SPINK8: variants seen among roughly 807,000 people sequenced by gnomAD.
SPINK8 encodes the protein serine peptidase inhibitor Kazal type 8 (putative).
SPINK8 carries 12 observed loss-of-function variants against 14.4 expected under a neutral mutation model. That is an observed-to-expected ratio of 0.83 (90% CI 0.53 to 1.35). The LOEUF (loss-of-function observed/expected upper bound fraction) is 1.35, where lower values mean the gene tolerates loss of function less well. Among genes scored for constraint, SPINK8 ranks in the 40% most tolerant of loss-of-function variants. The pLI is 0.00. For missense variants in SPINK8, 103 were observed against 117.0 expected (o/e 0.88, Z 0.55); for synonymous variants, 32 against 37.6 (o/e 0.85, Z 0.55).
At chr3:48,315,268 A>G (rs1270805995) in intron 6 of SPINK8, among the ~76,000 whole-genome samples, 2 of 152,194 alleles carry the variant, frequency 1.3e-5, no homozygotes, top group African/African-American at 4.8e-5. Context: ...ACATTATATT[A>G]TTCAAAATAT....
chr3:48,321,580 C>G (rs1238662275), intron 4 of SPINK8, among the ~76,000 whole-genome samples: 2 of 151,556 alleles, frequency 1.3e-5, no homozygotes, highest in South Asian at 4.2e-4. Flanking sequence ...ATTCACATAT[C>G]ATAGAATTTT....
chr3:48,319,422 C>T (rs2036038381), intron 6 of SPINK8, 75 bp downstream of exon 6: 1 of 1,555,912 alleles, frequency 6.4e-7, no homozygotes, highest in East Asian at 2.2e-5. Flanking sequence ...AGGAAGTGGG[C>T]TGAGGTCATC....
At chr3:48,327,687 C>T (rs969436156) in intron 4 of SPINK8, among the ~76,000 whole-genome samples, 1 of 151,946 alleles carries the variant, frequency 6.6e-6, no homozygotes, top group African/African-American at 2.4e-5. Flanking sequence ...TTGTTTTTTA[C>T]GTAAGATATG....
At chr3:48,319,933 G>A (rs1205730380) in intron 5 of SPINK8, among the ~76,000 whole-genome samples, 1 of 151,788 alleles carries the variant, frequency 6.6e-6, no homozygotes, top group Non-Finnish European at 1.5e-5. Context: ...CACGAGGTCA[G>A]GAGATCGAGA....
intron 4 of SPINK8, among the ~76,000 whole-genome samples, chr3:48,326,128 G>A (rs2036138153): frequency 6.6e-6 from 1 of 151,998 alleles, no homozygotes; most frequent in Non-Finnish European, 1.5e-5. Context: ...TGTTGACGAC[G>A]TGTCCTTCTG....
At chr3:48,330,236 A>G (rs1387352215) in intron 2 of SPINK8, among the ~76,000 whole-genome samples, 1 of 152,224 alleles carries the variant, frequency 6.6e-6, no homozygotes, top group African/African-American at 2.4e-5. Flanking sequence ...AAATTTTAAT[A>G]GGCTGGGTAC....
chr3:48,330,660 A>G (rs2036242135), intron 2 of SPINK8, among the ~76,000 whole-genome samples: 1 of 151,972 alleles, frequency 6.6e-6, no homozygotes. Context: ...CTCAGGCGAT[A>G]TATGATTTGA....
intron 6 of SPINK8, among the ~76,000 whole-genome samples, chr3:48,313,427 C>A (rs1054560825): frequency 2.0e-5 from 3 of 152,068 alleles, no homozygotes; most frequent in Non-Finnish European, 2.9e-5. Flanking sequence ...TGATGAGATA[C>A]CATTTTCACA....
chr3:48,321,060 T>C lies in SPINK8; in HGVS notation c.82A>G (p.Met28Val). 4.4e-6 allele frequency: 7 copies of C among 1,586,396 alleles called. No homozygotes were observed. Among genetic ancestry groups the C allele is most frequent in the South Asian group, 2.3e-5 (2 of 86,740 alleles). ...TCTAGCTGACCTCTTTCAGAGGCCA[T>C]AGGAAGGGGGAAGTCTGGAAGACAA... The part of the protein sequence containing the change: ...MAFAIDFPLP[M>V]ASERGQLDKT... Residue 28 changes from methionine to valine, a missense_variant, in exon 5 of 8, where the codon ATG becomes GTG. Met to Val is a conservative substitution (Grantham distance 21, BLOSUM62 1). Transcript: ENST00000434006.
intron 6 of SPINK8, among the ~76,000 whole-genome samples, chr3:48,318,149 C>CT (rs551450691): frequency 3.3e-5 from 5 of 150,634 alleles, no homozygotes; most frequent in Admixed American, 6.6e-5. Flanking sequence ...AGAATAATTT[C>CT]TTTTTTTTTG....
At chr3:48,319,318 C>T (rs1053484259) in intron 6 of SPINK8, among the ~76,000 whole-genome samples, 179 bp downstream of exon 6, 6 of 152,152 alleles carry the variant, frequency 3.9e-5, no homozygotes, top group Admixed American at 3.3e-4. Context: ...TGAATAGGAT[C>T]ACATGTACCT....
chr3:48,311,706 C>T (rs571885688), intron 6 of SPINK8, among the ~76,000 whole-genome samples: 2 of 152,218 alleles, frequency 1.3e-5, no homozygotes, highest in East Asian at 3.8e-4. Context: ...ACACTCAAAA[C>T]TACAAAATTG....
intron 6 of SPINK8, among the ~76,000 whole-genome samples, chr3:48,317,248 G>A (rs1329367985): frequency 6.6e-6 from 1 of 152,140 alleles, no homozygotes; most frequent in African/African-American, 2.4e-5. Flanking sequence ...CAGCACTTTG[G>A]GAGGCCGAGG....
intron 1 of SPINK8, among the ~76,000 whole-genome samples, chr3:48,332,839 G>C (rs2036283869): frequency 6.6e-6 from 1 of 152,098 alleles, no homozygotes; most frequent in Non-Finnish European, 1.5e-5. Flanking sequence ...AGGGTTATTT[G>C]AGAATTTACC....
At chr3:48,310,028 G>A (rs1437703967) in intron 6 of SPINK8, 82 bp from the exon 7 acceptor site, 12 of 1,265,154 alleles carry the variant, frequency 9.5e-6, no homozygotes, top group Non-Finnish European at 1.2e-5. Flanking sequence ...ATAATCTTTG[G>A]CTAAGTTTGG....
intron 3 of SPINK8, among the ~76,000 whole-genome samples, 118 bp downstream of exon 3, chr3:48,329,035 G>A (rs997735261): frequency 1.3e-5 from 2 of 152,024 alleles, no homozygotes; most frequent in African/African-American, 4.8e-5. Flanking sequence ...ACATTTTCCA[G>A]GCAAACATTT....
chr3:48,326,087 A>G (rs2036137188), intron 4 of SPINK8, among the ~76,000 whole-genome samples: 1 of 151,978 alleles, frequency 6.6e-6, no homozygotes, highest in Admixed American at 6.5e-5. Flanking sequence ...ATTTAGCCTC[A>G]GCAACACAAA....
rs66504818 is a variant in SPINK8, at chr3:48,315,720, C to CAAAAAAAAAAA, written c.239+3766_239+3776dup. On this transcript the variant is annotated intron_variant, in intron 6 of 7. Coordinates refer to ENST00000434006, the MANE Select transcript of SPINK8 (RefSeq NM_001080525.3). The stretch of plus-strand genomic sequence containing the variant: ...TGGGTAACAGAGTAAGACTCCATCT[C>CAAAAAAAAAAA]AAAAAAAAAAAAAAAAAAAAAAAAG... Among the ~76,000 whole-genome samples the CAAAAAAAAAAA allele has an allele frequency of 5.0e-3, 110 of 21,912 alleles. 8 individuals are homozygous for CAAAAAAAAAAA. The highest frequency in any genetic ancestry group is 8.4e-3 in the Non-Finnish European group (86 of 10,266). 14.4% of individuals were successfully genotyped at this position (21,912 alleles called of 152,430 possible).
intron 4 of SPINK8, 46 bp from the exon 5 acceptor site, chr3:48,321,120 G>T: frequency 6.5e-7 from 1 of 1,541,398 alleles, no homozygotes; most frequent in Non-Finnish European, 8.8e-7. Flanking sequence ...TCTGTCTTCT[G>T]CCCTCAGCGA....
Sources: gnomAD v4.1 joint callset for allele counts (sites outside exome capture counted in the v4.1 genomes callset) on GRCh38, gnomAD v4.1.1 for gene constraint, MANE v1.5 for transcripts, NCBI Gene and HGNC (gene_info 2026-07-23, HGNC 2026-07-21) for gene names.